Variants in ZYG11B observed in about 807,000 individuals in gnomAD.
The protein encoded by ZYG11B is protein zyg-11 homolog B.
In ZYG11B, 36 loss-of-function variants were observed where a neutral mutation model predicts 82.4. That is an observed-to-expected ratio of 0.44 (90% CI 0.33 to 0.58). ZYG11B has a LOEUF of 0.58. ZYG11B is among the 20% of genes least tolerant of loss of function. The probability of loss-of-function intolerance (pLI) is 0.02; values close to 1 mark genes in which losing one functional copy is unlikely to be tolerated. For synonymous variants in ZYG11B, 303 were observed against 312.8 expected, an observed-to-expected ratio of 0.97 and a Z score of 0.33; for missense variants, 552 against 895.6, an observed-to-expected ratio of 0.62 and a Z score of 4.90.
chr1:52,811,785 CTT>C (rs1645184829), intron 10 of ZYG11B, among the ~76,000 whole-genome samples: 1 of 152,044 alleles, frequency 6.6e-6, no homozygotes. Context: ...AATCCCAGCA[CTT>C]TGGGAGGCCA....
At chr1:52,764,979 A>G (rs12038462) in intron 2 of ZYG11B, among the ~76,000 whole-genome samples, 15,984 of 152,060 alleles carry the variant, frequency 0.11, 1,880 homozygotes, top group East Asian at 0.35. Flanking sequence ...TTATCTTAGG[A>G]AGAAAATTGA....
At chr1:52,816,898 C>T (rs1229808741) in intron 13 of ZYG11B, among the ~76,000 whole-genome samples, 1 of 150,084 alleles carries the variant, frequency 6.7e-6, no homozygotes, top group Non-Finnish European at 1.5e-5. Flanking sequence ...AAGCGATTCT[C>T]CTGCCTCAGC....
At position 52,784,903 on chromosome 1, in the gene ZYG11B, C is replaced by T. The variant is rs1365272026; in HGVS notation, c.1119C>T (p.His373=). Residue 373 remains histidine (H), a synonymous_variant, in exon 5 of 14, where the codon CAC becomes CAT. Coordinates refer to ENST00000294353, the MANE Select transcript of ZYG11B (RefSeq NM_024646.3). ...TTGTGGTTACTGGGATGAGAAACCACCCTATGAATTTGCCAGTGCAACTGG... is the reference window on the plus strand; with the variant it reads ...TTGTGGTTACTGGGATGAGAAACCATCCTATGAATTTGCCAGTGCAACTGG... ...LKLVVTGMRN[H]PMNLPVQLAA... is the part of the protein sequence containing the mutation. The T allele has an allele frequency of 1.2e-6, 2 of 1,613,584 alleles. No homozygotes were observed. The highest frequency in any genetic ancestry group is 1.7e-6 in the Non-Finnish European group (2 of 1,179,928).
At chr1:52,732,395 A>G (rs989287775) in intron 1 of ZYG11B, among the ~76,000 whole-genome samples, 1 of 152,338 alleles carries the variant, frequency 6.6e-6, no homozygotes, top group African/African-American at 2.4e-5. Flanking sequence ...GAGATTAAAT[A>G]TTAACACTAG....
intron 1 of ZYG11B, among the ~76,000 whole-genome samples, chr1:52,743,490 A>T (rs1286628408): frequency 6.6e-6 from 1 of 151,868 alleles, no homozygotes; most frequent in Non-Finnish European, 1.5e-5. Flanking sequence ...CTGAAGAAAG[A>T]CAAATTTGCT....
In ZYG11B at chr1:52,801,996, T is replaced by C; in HGVS notation, c.1647+16T>C. 3 of 1,593,176 alleles carry C rather than the reference T, an allele frequency of 1.9e-6. No homozygotes were observed. Among genetic ancestry groups the C allele is most frequent in the Non-Finnish European group, 2.6e-6 (3 of 1,173,920 alleles). On this transcript the variant is annotated intron_variant, in intron 9 of 13. Coordinates refer to ENST00000294353, the MANE Select transcript of ZYG11B (RefSeq NM_024646.3). ...GGTTCTAGAGGTTAGAATGGGAATT[T>C]AGCTTACAGTTTTGATATTTATTAA...
chr1:52,741,315 A>G (rs202243990), intron 1 of ZYG11B, among the ~76,000 whole-genome samples: 19 of 142,666 alleles, frequency 1.3e-4, no homozygotes, highest in East Asian at 6.6e-4. Flanking sequence ...AAAAAAAAAA[A>G]AAAAGAAAAG....
chr1:52,771,843 G>A lies in ZYG11B; in HGVS notation c.951+69G>A. Reference sequence around the variant, plus strand: ...CTTAGTTGCATAAGACTCTATTAAAGATGAATGTCTGTAATATATGGAACA... The same window carrying A: ...CTTAGTTGCATAAGACTCTATTAAAAATGAATGTCTGTAATATATGGAACA... On this transcript the variant is annotated intron_variant, in intron 3 of 13. Coordinates refer to ENST00000294353, the MANE Select transcript of ZYG11B (RefSeq NM_024646.3). This position sits in a 1 kb window ranked among gnomAD's most constrained non-coding sequence, Gnocchi z 5.4. The A allele has an allele frequency of 2.7e-6, 4 of 1,504,850 alleles. No homozygotes were observed. The South Asian group carries it at 3.9e-5, about 15-fold the overall frequency. 93.2% of individuals were successfully genotyped at this position (1,504,850 alleles called of 1,614,324 possible).
intron 2 of ZYG11B, among the ~76,000 whole-genome samples, chr1:52,766,932 C>T (rs181064895): frequency 3.3e-5 from 5 of 151,224 alleles, no homozygotes; most frequent in Admixed American, 6.6e-5. Flanking sequence ...GGTGTGAACC[C>T]GGGAGGTAGA....
At chr1:52,740,708 C>T (rs1004261139) in intron 1 of ZYG11B, among the ~76,000 whole-genome samples, 2 of 151,854 alleles carry the variant, frequency 1.3e-5, no homozygotes, top group Admixed American at 6.6e-5. Flanking sequence ...GGATTACAGG[C>T]ATGCGCCACC....
At chr1:52,799,214 A>ATGGTG (rs1645053734) in intron 8 of ZYG11B, among the ~76,000 whole-genome samples, 1 of 152,110 alleles carries the variant, frequency 6.6e-6, no homozygotes, top group Admixed American at 6.6e-5. Flanking sequence ...TAGGCCGGGC[A>ATGGTG]TGGTGGGTCA....
chr1:52,813,706 C>G lies in ZYG11B; in HGVS notation c.1866C>G (p.Ser622Arg). ...AACAAGCTTGGACATTGAGTCGTAG[C>G]CAGAGGAATTCTCTGCTGGATGATT... ...RGEQAWTLSRSQRNSLLDDLH... is the reference protein window; with the variant it reads ...RGEQAWTLSRRQRNSLLDDLH... Residue 622 changes from serine to arginine, a missense_variant, in exon 11 of 14, where the codon AGC (serine) becomes AGG (arginine). This residue lies in a region of ZYG11B where 127 missense variants were observed against 163.4 expected (regional missense o/e 0.78). Coordinates refer to ENST00000294353, the MANE Select transcript of ZYG11B (RefSeq NM_024646.3). 6.2e-7 allele frequency: 1 copy of G among 1,614,030 alleles called. No homozygotes were observed. The highest frequency in any genetic ancestry group is 8.5e-7 in the Non-Finnish European group (1 of 1,180,016).
chr1:52,752,387 A>G (rs914591677), intron 1 of ZYG11B, among the ~76,000 whole-genome samples: 72 of 152,122 alleles, frequency 4.7e-4, no homozygotes, highest in East Asian at 5.8e-4. Context: ...TAGCACTTCA[A>G]TGTGTGCAGC....
intron 5 of ZYG11B, among the ~76,000 whole-genome samples, chr1:52,789,488 A>G (rs946160329): frequency 1.3e-5 from 2 of 152,150 alleles, no homozygotes; most frequent in Non-Finnish European, 2.9e-5. Context: ...GACTGTGTCA[A>G]TTAATTATTC....
At chr1:52,820,493 A>G (rs1482240887) in intron 13 of ZYG11B, among the ~76,000 whole-genome samples, 1 of 151,720 alleles carries the variant, frequency 6.6e-6, no homozygotes, top group Non-Finnish European at 1.5e-5. Context: ...CCAAAAATAC[A>G]AAAATTTAGC....
chr1:52,753,391 GTTC>G lies in ZYG11B; in HGVS notation c.31-3056_31-3054del, dbSNP rs917497509. On this transcript the variant is annotated intron_variant, in intron 1 of 13. Coordinates refer to ENST00000294353, the MANE Select transcript of ZYG11B (RefSeq NM_024646.3). Reference sequence around the variant, plus strand: ...CCATCAGCAATTATTGTCCATGGTTGTTCTTCTTCTTCTGGTTGTTGTTGTTGT... The same window carrying G: ...CCATCAGCAATTATTGTCCATGGTTGTTCTTCTTCTGGTTGTTGTTGTTGT... Among the ~76,000 whole-genome samples, 179 of 148,922 alleles carry G rather than the reference GTTC, an allele frequency of 1.2e-3. 1 individual carries two copies. The Middle Eastern group carries it at 0.018, about 15-fold the overall frequency.
At chr1:52,799,445 C>G (rs1309046448) in intron 8 of ZYG11B, among the ~76,000 whole-genome samples, 1 of 151,170 alleles carries the variant, frequency 6.6e-6, no homozygotes, top group East Asian at 1.9e-4. Flanking sequence ...CGAGATAATG[C>G]CACTGCACTC....
intron 8 of ZYG11B, among the ~76,000 whole-genome samples, chr1:52,797,061 TA>T (rs1368202443): frequency 1.3e-3 from 61 of 48,500 alleles, no homozygotes; most frequent in African/African-American, 3.6e-3. Context: ...ATATTATATA[TA>T]TTTATATATT....
At chr1:52,741,854 G>A (rs1644433945) in intron 1 of ZYG11B, among the ~76,000 whole-genome samples, 1 of 152,106 alleles carries the variant, frequency 6.6e-6, no homozygotes, top group Non-Finnish European at 1.5e-5. Flanking sequence ...GGGAGATTAA[G>A]TACTTTGCTT....
Sources: allele counts gnomAD v4.1 joint callset (sites outside exome capture counted in the v4.1 genomes callset), GRCh38; gene constraint gnomAD v4.1.1; regional missense constraint gnomAD v4.1.1; non-coding constraint Gnocchi (gnomAD v3.1); transcripts MANE v1.5; gene names NCBI Gene and HGNC (gene_info 2026-07-23, HGNC 2026-07-21).